KDM5B: variants seen among roughly 807,000 people sequenced by gnomAD.
KDM5B encodes the protein lysine-specific demethylase 5B.
A neutral mutation model predicts 193.4 loss-of-function variants in KDM5B; 144 were observed. The observed-to-expected ratio is 0.74, with a 90% CI of 0.65 to 0.86. The LOEUF (loss-of-function observed/expected upper bound fraction) is 0.86. KDM5B is among the 40% of genes least tolerant of loss of function. The pLI is 0.00. For synonymous variants in KDM5B, 668 were observed against 682.6 expected (o/e 0.98, Z 0.33); for missense variants, 1,833 against 1,886.9 (o/e 0.97, Z 0.53).
chr1:202,755,176 C>G, intron 11 of KDM5B, 95 bp downstream of exon 11: 1 of 888,034 alleles, frequency 1.1e-6, no homozygotes, highest in Non-Finnish European at 1.8e-6. Flanking sequence ...TAGTTCAATG[C>G]TCTTCAGACA....
chr1:202,802,960 C>G (rs1232724098), intron 1 of KDM5B, among the ~76,000 whole-genome samples: 2 of 152,138 alleles, frequency 1.3e-5, no homozygotes, highest in African/African-American at 4.8e-5. Flanking sequence ...GTAATCCCAG[C>G]ACTTTGGGAG....
intron 11 of KDM5B, among the ~76,000 whole-genome samples, chr1:202,754,874 G>A (rs1213312558): frequency 2.0e-5 from 3 of 152,210 alleles, no homozygotes; most frequent in Non-Finnish European, 2.9e-5. Context: ...TAGTAAAGAC[G>A]GGGTTTCTCC....
intron 4 of KDM5B, among the ~76,000 whole-genome samples, chr1:202,769,044 T>C (rs1355888876): frequency 6.8e-6 from 1 of 146,892 alleles, no homozygotes; most frequent in East Asian, 2.0e-4. Context: ...TTTTTTCTTT[T>C]TTTTTTTTTT....
chr1:202,805,353 G>C (rs887720990), intron 1 of KDM5B, among the ~76,000 whole-genome samples: 4 of 152,088 alleles, frequency 2.6e-5, no homozygotes, highest in African/African-American at 9.7e-5. Context: ...GAACCCCTAA[G>C]CTGCCATATA....
chr1:202,781,118 C>A (rs1335981660), intron 1 of KDM5B, among the ~76,000 whole-genome samples: 1 of 152,068 alleles, frequency 6.6e-6, no homozygotes, highest in Non-Finnish European at 1.5e-5. Context: ...CAGTTTGAGA[C>A]CAGTCTCTAT....
chr1:202,734,636 A>C (rs539588322), intron 22 of KDM5B, among the ~76,000 whole-genome samples: 2 of 152,358 alleles, frequency 1.3e-5, no homozygotes, highest in East Asian at 3.9e-4. Flanking sequence ...GTTAGTCTTT[A>C]TAAAAACAAA....
intron 5 of KDM5B, chr1:202,766,370 G>A (rs1001521044): frequency 1.2e-5 from 4 of 320,380 alleles, no homozygotes; most frequent in Non-Finnish European, 1.8e-5. Flanking sequence ...GCCGGGCGTG[G>A]TGGCACACGC....
chr1:202,766,906 T>C lies in KDM5B; in HGVS notation c.711+20A>G, dbSNP rs753052875. The C allele has an allele frequency of 1.5e-5, 24 of 1,558,326 alleles. No homozygotes were observed. The highest frequency in any genetic ancestry group is 1.6e-5 in the Non-Finnish European group (19 of 1,161,018). On this transcript the variant is annotated intron_variant, in intron 5 of 26. Coordinates refer to ENST00000367265, the MANE Select transcript of KDM5B (RefSeq NM_006618.5). ...TAGGGCTTGAGAATTCCTTTTAAAT[T>C]AACCTCATGAGGCTCTTACCTCTGC...
intron 5 of KDM5B, among the ~76,000 whole-genome samples, 175 bp downstream of exon 5, chr1:202,766,751 C>A (rs7528426): frequency 0.059 from 8,968 of 152,210 alleles, 454 homozygotes; most frequent in East Asian, 0.24. Flanking sequence ...TTCCTTACCC[C>A]TTTGATGGTA....
chr1:202,797,543 A>G (rs1347809919), intron 1 of KDM5B, among the ~76,000 whole-genome samples: 2 of 152,252 alleles, frequency 1.3e-5, no homozygotes, highest in Non-Finnish European at 2.9e-5. Flanking sequence ...TTTTCTTAAA[A>G]GATCTAGGTA....
At position 202,746,190 on chromosome 1, in the gene KDM5B, T is replaced by C. The variant is rs750256204; in HGVS notation, c.2150A>G (p.His717Arg). The change falls in exon 15 of 27, where the codon CAT becomes CGT. Residue 717 changes from histidine (H) to arginine (R), a missense_variant. Transcript: ENST00000367265. Reference protein sequence around the residue: ...SCKPGLLVCLHHVKELCSCPP... With the variant: ...SCKPGLLVCLRHVKELCSCPP... ...ACAGGAACACAATTCTTTTACATGA[T>C]GCAGGCAAACAAGAAGGCCAGGTTT... is the stretch of plus-strand genomic sequence containing the variant. 15 of 1,613,800 alleles carry C rather than the reference T, an allele frequency of 9.3e-6. No homozygotes were observed. The highest frequency in any genetic ancestry group is 2.2e-5 in the South Asian group (2 of 91,074).
At position 202,728,861 on chromosome 1, in the gene KDM5B, G is replaced by T; in HGVS notation, c.*175C>A. Reference sequence around the variant, plus strand: ...ACAAAAAGTGTCAAAAATTTTTTTAGTTGTTTTTTCTTTTCTTCAAAGAGT... The same window carrying T: ...ACAAAAAGTGTCAAAAATTTTTTTATTTGTTTTTTCTTTTCTTCAAAGAGT... On this transcript the variant is annotated 3_prime_UTR_variant, in exon 27 of 27. Coordinates refer to ENST00000367265, the MANE Select transcript of KDM5B (RefSeq NM_006618.5). 1 of 733,162 alleles carries T rather than the reference G, an allele frequency of 1.4e-6. No homozygotes were observed. Among genetic ancestry groups the T allele is most frequent in the Non-Finnish European group, 2.1e-6 (1 of 472,368 alleles). The allele number at this position is 733,162 out of a possible 1,614,324, so 45.4% of individuals were successfully genotyped here.
intron 9 of KDM5B, 85 bp from the exon 10 acceptor site, chr1:202,756,601 G>GC: frequency 9.8e-7 from 1 of 1,016,274 alleles, no homozygotes; most frequent in Non-Finnish European, 1.4e-6. Flanking sequence ...TCAAAGAACA[G>GC]CATCCTAAGG....
chr1:202,798,479 G>A (rs968989536), intron 1 of KDM5B, among the ~76,000 whole-genome samples: 15 of 151,720 alleles, frequency 9.9e-5, no homozygotes, highest in Non-Finnish European at 1.6e-4. Context: ...TTGGGGTTGC[G>A]GGGTGCGGTT....
rs1553351750 is a variant in KDM5B at position 202,742,649 on chromosome 1, G to GC, written c.2474+5dup. ...AATCCAAACTCACGCAGTCAGAAGC[G>GC]CATACCTAGTTTGCCTTTTGCCATT... On this transcript the variant is annotated splice_donor_region_variant and intron_variant, in intron 17 of 26. Transcript: ENST00000367265. 1 of 1,613,572 alleles carries GC rather than the reference G, an allele frequency of 6.2e-7. No individual in the cohort carries two copies. Among genetic ancestry groups the GC allele is most frequent in the Non-Finnish European group, 8.5e-7 (1 of 1,179,782 alleles).
chr1:202,774,745 A>C lies in KDM5B; in HGVS notation c.283-10T>G. On this transcript the variant is annotated splice_polypyrimidine_tract_variant and intron_variant, in intron 2 of 26. Coordinates refer to ENST00000367265, the MANE Select transcript of KDM5B (RefSeq NM_006618.5). The stretch of plus-strand genomic sequence containing the variant: ...TTACACGAGTTTGGGCCTAAAAGAC[A>C]AAGAATTGAGTTTTCATCTCATTTA... 6.2e-7 allele frequency: 1 copy of C among 1,611,602 alleles called. No individual in the cohort carries two copies. Among genetic ancestry groups the C allele is most frequent in the Non-Finnish European group, 8.5e-7 (1 of 1,178,604 alleles).
At chr1:202,792,615 T>C (rs752789307) in intron 1 of KDM5B, among the ~76,000 whole-genome samples, 4 of 152,190 alleles carry the variant, frequency 2.6e-5, no homozygotes, top group Admixed American at 6.5e-5. Context: ...AATGGTACTT[T>C]GATAACTGTA....
In KDM5B at chr1:202,733,600, G is replaced by A; in HGVS notation, c.3710C>T (p.Ala1237Val). 1.2e-6 allele frequency: 2 copies of A among 1,614,174 alleles called. No individual in the cohort carries two copies. Among genetic ancestry groups the A allele is most frequent in the Non-Finnish European group, 1.7e-6 (2 of 1,180,032 alleles). The change falls in exon 23 of 27, where the codon GCC (alanine) becomes GTC (valine). Residue 1237 changes from alanine to valine, a missense_variant. Ala to Val is a moderately conservative substitution (Grantham distance 64, BLOSUM62 0). Around this residue, in one of 3 missense-constraint regions of KDM5B, gnomAD observed 1,379 missense variants for 1,349.6 expected, o/e 1.02. Coordinates refer to ENST00000367265, the MANE Select transcript of KDM5B (RefSeq NM_006618.5). Reference protein sequence around the residue: ...PPLEKILPLLASLQRIRVRLP... With the variant: ...PPLEKILPLLVSLQRIRVRLP... ...GCGAACTCGGATACGCTGAAGGGAG[G>A]CGAGCAGGGGCAGAATTTTCTCTAA... is the stretch of plus-strand genomic sequence containing the variant.
intron 3 of KDM5B, among the ~76,000 whole-genome samples, chr1:202,774,349 A>G (rs1212330906): frequency 1.3e-5 from 2 of 151,876 alleles, no homozygotes; most frequent in African/African-American, 4.8e-5. Context: ...GGCTCAAGTG[A>G]TCCTCCCTCC....
Sources: allele counts gnomAD v4.1 joint callset (sites outside exome capture counted in the v4.1 genomes callset), GRCh38; gene constraint gnomAD v4.1.1; regional missense constraint gnomAD v4.1.1; transcripts MANE v1.5; gene names NCBI Gene and HGNC (gene_info 2026-07-23, HGNC 2026-07-21).